The following EYS variants were observed in gnomAD, a reference collection of about 807,000 sequenced individuals.
EYS encodes EGF-like photoreceptor maintenance factor.
EYS carries 250 observed loss-of-function variants against 282.1 expected under a neutral mutation model. The ratio of observed to expected loss-of-function variants is 0.89; its 90% CI spans 0.80 to 0.98. The LOEUF (loss-of-function observed/expected upper bound fraction) is 0.98. Ranked by LOEUF, EYS falls within the 50% of genes least tolerant of loss-of-function variation. The probability of loss-of-function intolerance (pLI) is 0.00; values close to 1 mark genes in which losing one functional copy is unlikely to be tolerated. For missense variants in EYS, 4,016 were observed against 3,709.0 expected (o/e 1.08, Z -2.15); for synonymous variants, 1,355 against 1,282.9 (o/e 1.06, Z -1.20).
At chr6:64,915,927 CT>C (rs1206877455) in intron 15 of EYS, among the ~76,000 whole-genome samples, 4 of 151,780 alleles carry the variant, frequency 2.6e-5, no homozygotes. Flanking sequence ...CTTTTCTTTT[CT>C]TTTTTTAAAC....
At chr6:64,476,655 A>G (rs943599456) in intron 26 of EYS, among the ~76,000 whole-genome samples, 8 of 152,268 alleles carry the variant, frequency 5.3e-5, no homozygotes, top group South Asian at 4.1e-4. Context: ...ATTTGGCTCT[A>G]TATTCATTAT....
At chr6:64,330,849 A>G (rs929666657) in intron 29 of EYS, among the ~76,000 whole-genome samples, 1 of 152,178 alleles carries the variant, frequency 6.6e-6, no homozygotes, top group Non-Finnish European at 1.5e-5. Flanking sequence ...GAATAATCTA[A>G]ATCCAGCCAC....
intron 22 of EYS, among the ~76,000 whole-genome samples, chr6:64,758,426 T>C (rs1266832647): frequency 6.6e-6 from 1 of 152,134 alleles, no homozygotes; most frequent in Non-Finnish European, 1.5e-5. Context: ...AGCCTGGAAC[T>C]TGGGTGTTTG....
chr6:65,372,931 T>A (rs563765948), intron 8 of EYS, among the ~76,000 whole-genome samples: 1 of 152,268 alleles, frequency 6.6e-6, no homozygotes, highest in South Asian at 2.1e-4. Flanking sequence ...CTATGAAGAA[T>A]GCTTTATTCT....
rs146578773 is a variant in EYS, at chr6:64,614,174, C to T, written c.3684+3244G>A. The stretch of plus-strand genomic sequence containing the variant: ...TGAAAGAACTCCACACCTCACACTT[C>T]TTTAAGAAGAATTTTCTAATGAAAC... On this transcript the variant is annotated intron_variant, in intron 24 of 42. Coordinates refer to ENST00000503581, the MANE Select transcript of EYS (RefSeq NM_001142800.2). Among the ~76,000 whole-genome samples, 302 of 152,212 alleles carry T rather than the reference C, an allele frequency of 2.0e-3. 3 individuals carry two copies. Among genetic ancestry groups the T allele is most frequent in the African/African-American group, 6.7e-3 (278 of 41,542 alleles).
At chr6:63,817,446 G>C (rs1454954572) in intron 36 of EYS, among the ~76,000 whole-genome samples, 1 of 152,186 alleles carries the variant, frequency 6.6e-6, no homozygotes, top group Non-Finnish European at 1.5e-5. Context: ...TGGGACCACG[G>C]GTAGCTTGGG....
At chr6:65,428,058 A>T (rs1767731886) in intron 5 of EYS, among the ~76,000 whole-genome samples, 1 of 151,950 alleles carries the variant, frequency 6.6e-6, no homozygotes, top group East Asian at 1.9e-4. Flanking sequence ...CTTAGCAAAT[A>T]TTTTTTTAAT....
At chr6:64,459,669 G>A (rs998560116) in intron 26 of EYS, among the ~76,000 whole-genome samples, 2 of 152,132 alleles carry the variant, frequency 1.3e-5, no homozygotes, top group East Asian at 1.9e-4. Context: ...TTGAGGGCAG[G>A]AAGCAGCCAG....
intron 22 of EYS, among the ~76,000 whole-genome samples, chr6:64,634,589 T>C (rs1767907824): frequency 6.9e-6 from 1 of 145,080 alleles, no homozygotes; most frequent in Admixed American, 6.9e-5. Flanking sequence ...AAGTACAAAA[T>C]ATTGAAGTGT....
intron 12 of EYS, among the ~76,000 whole-genome samples, chr6:65,143,048 G>GA (rs899258055): frequency 2.6e-5 from 4 of 151,988 alleles, no homozygotes; most frequent in African/African-American, 7.2e-5. Flanking sequence ...TCCAGGAGGG[G>GA]AAAAATGTAT....
intron 9 of EYS, among the ~76,000 whole-genome samples, chr6:65,346,490 A>G (rs181517201): frequency 1.2e-3 from 175 of 151,840 alleles, no homozygotes; most frequent in Non-Finnish European, 1.9e-3. Context: ...ATATAGTAAA[A>G]CAAATTAAAA....
chr6:65,236,765 A>C (rs1381053465), intron 12 of EYS, among the ~76,000 whole-genome samples: 1 of 152,166 alleles, frequency 6.6e-6, no homozygotes, highest in Non-Finnish European at 1.5e-5. Flanking sequence ...TATAAAGCAA[A>C]GATTTTACTG....
chr6:65,594,723 C>T (rs1271331552), intron 2 of EYS, among the ~76,000 whole-genome samples: 2 of 152,076 alleles, frequency 1.3e-5, no homozygotes, highest in Non-Finnish European at 2.9e-5. Context: ...GTGTTTTAGA[C>T]ATGAAGTCCT....
At chr6:64,020,079 A>G (rs2149818241) in intron 33 of EYS, among the ~76,000 whole-genome samples, 1 of 152,168 alleles carries the variant, frequency 6.6e-6, no homozygotes, top group Admixed American at 6.5e-5. Flanking sequence ...TCTAAACTCT[A>G]GTATCTACAT....
chr6:64,104,614 T>G (rs968358535), intron 31 of EYS, among the ~76,000 whole-genome samples: 1 of 146,572 alleles, frequency 6.8e-6, no homozygotes, highest in Non-Finnish European at 1.5e-5. Context: ...ACTATAGTAG[T>G]CAGTTCAAAG....
intron 22 of EYS, among the ~76,000 whole-genome samples, chr6:64,782,775 T>A (rs1773900150): frequency 6.6e-6 from 1 of 152,216 alleles, no homozygotes; most frequent in Non-Finnish European, 1.5e-5. Flanking sequence ...GTTATGAAAA[T>A]AGGCCAGTTC....
intron 12 of EYS, among the ~76,000 whole-genome samples, chr6:65,243,636 CA>C (rs1466135709): frequency 6.6e-6 from 1 of 152,032 alleles, no homozygotes; most frequent in Non-Finnish European, 1.5e-5. Context: ...TAACTTTCAG[CA>C]GTTAAATTTA....
intron 40 of EYS, among the ~76,000 whole-genome samples, chr6:63,773,292 T>A (rs1219374623): frequency 1.3e-5 from 2 of 152,038 alleles, no homozygotes; most frequent in African/African-American, 4.8e-5. Flanking sequence ...AAGACAGAGT[T>A]AAAGGTAATT....
At chr6:65,410,146 CCTTAT>C (rs1766924604) in intron 5 of EYS, among the ~76,000 whole-genome samples, 2 of 152,004 alleles carry the variant, frequency 1.3e-5, no homozygotes, top group Admixed American at 1.3e-4. Flanking sequence ...AATGATACTA[CCTTAT>C]AAGTATGTAA....
Sources: gnomAD v4.1 joint callset for allele counts (sites outside exome capture counted in the v4.1 genomes callset) on GRCh38, gnomAD v4.1.1 for gene constraint, MANE v1.5 for transcripts, NCBI Gene and HGNC (gene_info 2026-07-23, HGNC 2026-07-21) for gene names.